The following TP63 variants were observed in gnomAD, a reference collection of about 807,000 sequenced individuals.
TP63 encodes tumor protein 63.
A neutral mutation model predicts 82.8 loss-of-function variants in TP63; 17 were observed. The ratio of observed to expected loss-of-function variants is 0.21; its 90% CI spans 0.14 to 0.31. The LOEUF (loss-of-function observed/expected upper bound fraction) is 0.31. Among genes scored for constraint, TP63 ranks in the 10% least tolerant of loss-of-function variants. The pLI, the probability that TP63 is intolerant of heterozygous loss-of-function variation, is 1.00. For missense variants in TP63, 648 were observed against 895.3 expected, an observed-to-expected ratio of 0.72 and a Z score of 3.52; for synonymous variants, 330 against 321.7, an observed-to-expected ratio of 1.03 and a Z score of -0.28.
At chr3:189,792,683 A>G (rs1459555486) in intron 3 of TP63, among the ~76,000 whole-genome samples, 1 of 152,100 alleles carries the variant, frequency 6.6e-6, no homozygotes, top group African/African-American at 2.4e-5. Flanking sequence ...CTATATGTAT[A>G]CGATCGTGTT....
intron 1 of TP63, among the ~76,000 whole-genome samples, chr3:189,647,548 TA>T (rs1329166806): frequency 6.8e-6 from 1 of 146,390 alleles, no homozygotes; most frequent in Non-Finnish European, 1.5e-5. Flanking sequence ...TGATTATATT[TA>T]TCTGGAAAGC....
intron 3 of TP63, among the ~76,000 whole-genome samples, chr3:189,806,685 A>G (rs1423334251): frequency 6.6e-6 from 1 of 152,212 alleles, no homozygotes; most frequent in Non-Finnish European, 1.5e-5. Flanking sequence ...AGAAAGCGAG[A>G]CAAACAGCTG....
chr3:189,720,685 G>A (rs10804919), intron 1 of TP63, among the ~76,000 whole-genome samples: 80,256 of 147,090 alleles, frequency 0.55, 21,669 homozygotes, highest in Middle Eastern at 0.69. Flanking sequence ...AGTGAGCTGA[G>A]ACTATGCCAT....
chr3:189,847,675 C>T (rs980009876), intron 4 of TP63, among the ~76,000 whole-genome samples: 1 of 152,198 alleles, frequency 6.6e-6, no homozygotes, highest in Non-Finnish European at 1.5e-5. Context: ...GAGGTTAGTG[C>T]AACCCACTGC....
chr3:189,870,072 C>T (rs1718232882), intron 9 of TP63, among the ~76,000 whole-genome samples: 1 of 152,078 alleles, frequency 6.6e-6, no homozygotes, highest in Admixed American at 6.6e-5. Context: ...TTAATTTGTC[C>T]TTCATTATTT....
chr3:189,632,263 A>T (rs188028431), intron 1 of TP63, among the ~76,000 whole-genome samples: 4 of 152,252 alleles, frequency 2.6e-5, no homozygotes, highest in Admixed American at 2.6e-4. Flanking sequence ...TTCAAGTCAT[A>T]TGTAGCAATG....
rs111372220 is a variant in TP63, at chr3:189,794,242, G to A, written c.325-14030G>A. On this transcript the variant is annotated intron_variant, in intron 3 of 13. Coordinates refer to ENST00000264731, the MANE Select transcript of TP63 (RefSeq NM_003722.5). ...CTGAGCATCAATTATATGTAAAATG[G>A]TATATAGGATCTAAAAATAATTAAG... Among the ~76,000 whole-genome samples, 25 of 152,108 alleles carry A rather than the reference G, an allele frequency of 1.6e-4. 2 individuals carry two copies. Among genetic ancestry groups the A allele is most frequent in the African/African-American group, 5.8e-4 (24 of 41,534 alleles).
chr3:189,598,209 CAA>C, the TP63 span, among the ~76,000 whole-genome samples: 1 of 147,016 alleles, frequency 6.8e-6, no homozygotes, highest in Non-Finnish European at 1.5e-5. Context: ...ATAAATAAAA[CAA>C]ATCTAGCATG....
chr3:189,650,309 A>C lies in TP63; in HGVS notation c.62+18732A>C, dbSNP rs1712781253. On this transcript the variant is annotated intron_variant, in intron 1 of 13. Coordinates refer to ENST00000264731, the MANE Select transcript of TP63 (RefSeq NM_003722.5). ...ATATATGAGAAGGAGAAAACCAATC[A>C]ATGCATTACCTCTTACAATAAGAAA... Among the ~76,000 whole-genome samples the C allele has an allele frequency of 1.4e-5, 2 of 147,366 alleles. 1 individual carries two copies. Among genetic ancestry groups the C allele is most frequent in the African/African-American group, 5.1e-5 (2 of 39,382 alleles).
chr3:189,760,251 C>T (rs1722470750), intron 3 of TP63, among the ~76,000 whole-genome samples: 1 of 152,190 alleles, frequency 6.6e-6, no homozygotes, highest in African/African-American at 2.4e-5. Flanking sequence ...TGCATTAACT[C>T]AGAAGTCCCC....
At chr3:189,835,915 A>AAAT (rs71711373) in intron 4 of TP63, among the ~76,000 whole-genome samples, 230 of 136,868 alleles carry the variant, frequency 1.7e-3, no homozygotes, top group African/African-American at 2.5e-3. Flanking sequence ...CTCCATCTCA[A>AAAT]AATAATAATA....
At chr3:189,835,967 A>G (rs1284078959) in intron 4 of TP63, among the ~76,000 whole-genome samples, 1 of 134,616 alleles carries the variant, frequency 7.4e-6, no homozygotes, top group African/African-American at 2.8e-5. Flanking sequence ...TAATAATAAT[A>G]ATGTAAAGTG....
chr3:189,698,248 G>A (rs975177818), intron 1 of TP63, among the ~76,000 whole-genome samples: 8 of 151,846 alleles, frequency 5.3e-5, no homozygotes, highest in African/African-American at 1.5e-4. Context: ...AATGGATATC[G>A]GATGTTGTCA....
chr3:189,651,639 G>T (rs948517865), intron 1 of TP63, among the ~76,000 whole-genome samples: 2 of 146,182 alleles, frequency 1.4e-5, no homozygotes, highest in Admixed American at 1.3e-4. Flanking sequence ...AAGTAACGAG[G>T]AGCCGAATGT....
chr3:189,890,320 A>G (rs1353162088), intron 12 of TP63, among the ~76,000 whole-genome samples: 1 of 152,206 alleles, frequency 6.6e-6, no homozygotes, highest in East Asian at 1.9e-4. Flanking sequence ...ACATAAATCA[A>G]AAGGCATGAA....
At chr3:189,601,825 C>G in the TP63 span, among the ~76,000 whole-genome samples, 1 of 152,150 alleles carries the variant, frequency 6.6e-6, no homozygotes, top group African/African-American at 2.4e-5. Flanking sequence ...TAGTATGTGT[C>G]CATCTCACAC....
intron 4 of TP63, among the ~76,000 whole-genome samples, chr3:189,841,675 A>G (rs1346565546): frequency 6.6e-6 from 1 of 152,200 alleles, no homozygotes; most frequent in Non-Finnish European, 1.5e-5. Context: ...TGCCTCCCAG[A>G]ATGAATGGTT....
intron 9 of TP63, among the ~76,000 whole-genome samples, chr3:189,869,969 G>A (rs1718221352): frequency 6.6e-6 from 1 of 152,016 alleles, no homozygotes; most frequent in African/African-American, 2.4e-5. Context: ...CCACAGTTTT[G>A]GACTGTATTA....
At chr3:189,881,544 T>C in intron 10 of TP63, 1 of 983,724 alleles carries the variant, frequency 1.0e-6, no homozygotes, top group Non-Finnish European at 1.2e-6. Flanking sequence ...TTCCACTAAA[T>C]ACTAGAATAT....
Sources: allele counts gnomAD v4.1 joint callset (sites outside exome capture counted in the v4.1 genomes callset), GRCh38; gene constraint gnomAD v4.1.1; transcripts MANE v1.5; gene names NCBI Gene and HGNC (gene_info 2026-07-23, HGNC 2026-07-21).